Variants in HYCC2 observed in about 807,000 individuals in gnomAD.
The protein encoded by HYCC2 is hyccin PI4KA lipid kinase complex subunit 2, also known as hyccin 2.
At chr2:201,012,687 G>A in the HYCC2 span, among the ~76,000 whole-genome samples, 1 of 152,066 alleles carries the variant, frequency 6.6e-6, no homozygotes. Context: ...GCTCACGCCT[G>A]TAATCCTAGC....
chr2:201,025,687 G>A, the HYCC2 span, among the ~76,000 whole-genome samples: 4 of 152,210 alleles, frequency 2.6e-5, no homozygotes, highest in African/African-American at 4.8e-5. Flanking sequence ...GAATCTAAAC[G>A]AAGATCCAAG....
chr2:201,012,981 A>G, the HYCC2 span, among the ~76,000 whole-genome samples: 47 of 150,228 alleles, frequency 3.1e-4, no homozygotes, highest in Non-Finnish European at 5.6e-4. Flanking sequence ...ACACACACAC[A>G]CACGCCTACA....
the HYCC2 span, among the ~76,000 whole-genome samples, chr2:201,028,966 T>G: frequency 6.6e-6 from 1 of 152,152 alleles, no homozygotes; most frequent in African/African-American, 2.4e-5. Context: ...GGGATCTAAT[T>G]AAACTAAAGA....
chr2:200,997,280 A>G, the HYCC2 span: 2 of 501,624 alleles, frequency 4.0e-6, no homozygotes, highest in African/African-American at 2.0e-5. Flanking sequence ...AACAACAACA[A>G]CAAAAACAGC....
At chr2:201,071,024 T>C in the HYCC2 span, among the ~76,000 whole-genome samples, 40 of 152,202 alleles carry the variant, frequency 2.6e-4, no homozygotes, top group African/African-American at 8.4e-4. Context: ...CTCAAGCCAA[T>C]GAAAAAAGTG....
chr2:200,975,854 T>C, the HYCC2 span: 4 of 152,142 alleles, frequency 2.6e-5, no homozygotes, highest in African/African-American at 4.8e-5. Flanking sequence ...TGGGTGGTGA[T>C]GACTCCTCTA....
At chr2:200,979,171 ACTC>A in the HYCC2 span, 1 of 151,404 alleles carries the variant, frequency 6.6e-6, no homozygotes, top group South Asian at 2.1e-4. Flanking sequence ...CTATTTTTAA[ACTC>A]CTTTCATTTA....
At chr2:201,033,739 C>T in the HYCC2 span, among the ~76,000 whole-genome samples, 1 of 151,940 alleles carries the variant, frequency 6.6e-6, no homozygotes, top group African/African-American at 2.4e-5. Flanking sequence ...GCGGGTTTTC[C>T]TATGTTGCCC....
chr2:201,017,839 A>G, the HYCC2 span, among the ~76,000 whole-genome samples: 1 of 152,168 alleles, frequency 6.6e-6, no homozygotes, highest in Non-Finnish European at 1.5e-5. Context: ...TTTTCATTGT[A>G]TTGATGTCAT....
the HYCC2 span, among the ~76,000 whole-genome samples, chr2:201,015,256 C>T: frequency 6.6e-6 from 1 of 152,172 alleles, no homozygotes; most frequent in African/African-American, 2.4e-5. Flanking sequence ...AACTCTCTCA[C>T]CTTTTTACCT....
chr2:201,066,351 G>A, the HYCC2 span, among the ~76,000 whole-genome samples: 1 of 152,192 alleles, frequency 6.6e-6, no homozygotes, highest in Non-Finnish European at 1.5e-5. Context: ...TGGGATTACA[G>A]GCGTGAGCCA....
At chr2:200,974,621 G>C in the HYCC2 span, 1 of 151,756 alleles carries the variant, frequency 6.6e-6, no homozygotes, top group Non-Finnish European at 1.5e-5. Flanking sequence ...TTGTTAGAAA[G>C]CCAATCCTCT....
the HYCC2 span, among the ~76,000 whole-genome samples, chr2:201,046,967 A>G: frequency 6.6e-6 from 1 of 152,240 alleles, no homozygotes; most frequent in Admixed American, 6.5e-5. Context: ...ACTAGACAAG[A>G]GAATCAGACT....
the HYCC2 span, among the ~76,000 whole-genome samples, chr2:201,033,159 A>ATGTGTGTGTGTG: frequency 1.4e-4 from 17 of 117,938 alleles, no homozygotes; most frequent in African/African-American, 2.7e-4. Context: ...ATGTGTGTGT[A>ATGTGTGTGTGTG]TGTGTGTGTG....
the HYCC2 span, chr2:200,977,608 C>G: frequency 6.6e-6 from 1 of 152,232 alleles, no homozygotes; most frequent in Admixed American, 6.6e-5. Flanking sequence ...CCTAGCACTT[C>G]TGGGAGGCCA....
the HYCC2 span, among the ~76,000 whole-genome samples, chr2:201,033,159 A>ATG: frequency 0.14 from 16,280 of 117,660 alleles, 1,227 homozygotes; most frequent in Middle Eastern, 0.2. Context: ...ATGTGTGTGT[A>ATG]TGTGTGTGTG....
the HYCC2 span, chr2:200,992,796 C>T: frequency 2.5e-6 from 2 of 816,306 alleles, no homozygotes; most frequent in Admixed American, 4.5e-5. Context: ...ACAAAAGATT[C>T]AGTATTGTGT....
chr2:201,058,735 T>A, the HYCC2 span, among the ~76,000 whole-genome samples: 1 of 152,178 alleles, frequency 6.6e-6, no homozygotes, highest in African/African-American at 2.4e-5. Flanking sequence ...GAAATTTTCA[T>A]ATCGAATTAC....
chr2:201,003,789 TTTG>T, the HYCC2 span, among the ~76,000 whole-genome samples: 2 of 150,626 alleles, frequency 1.3e-5, no homozygotes, highest in Non-Finnish European at 3.0e-5. Flanking sequence ...GTTTGGGTTT[TTTG>T]TTGTTGTTGT....
Sources: gnomAD v4.1 joint callset for allele counts (sites outside exome capture counted in the v4.1 genomes callset) on GRCh38, gnomAD v4.1.1 for gene constraint, MANE v1.5 for transcripts, NCBI Gene and HGNC (gene_info 2026-07-23, HGNC 2026-07-21) for gene names.